Variants in PTK2 observed in about 807,000 individuals in gnomAD.
PTK2 encodes protein tyrosine kinase 2.
In PTK2, 45 loss-of-function variants were observed where a neutral mutation model predicts 150.1. That is an observed-to-expected ratio of 0.30 (90% CI 0.24 to 0.38). The LOEUF is 0.38. PTK2 is among the 10% of genes least tolerant of loss of function. The probability of loss-of-function intolerance (pLI) is 1.00; values close to 1 mark genes in which losing one functional copy is unlikely to be tolerated. For missense variants in PTK2, 919 were observed against 1,307.3 expected (o/e 0.70, Z 4.58); for synonymous variants, 432 against 449.2 (o/e 0.96, Z 0.48).
intron 4 of PTK2, among the ~76,000 whole-genome samples, chr8:140,867,426 A>G (rs2100139982): frequency 6.6e-6 from 1 of 152,226 alleles, no homozygotes; most frequent in Admixed American, 6.5e-5. Flanking sequence ...CAGCAAGAAC[A>G]TGCATGAATA....
intron 1 of PTK2, among the ~76,000 whole-genome samples, chr8:140,971,346 T>C (rs1290743306): frequency 6.6e-6 from 1 of 152,230 alleles, no homozygotes; most frequent in Non-Finnish European, 1.5e-5. Flanking sequence ...ACCAGTAGCA[T>C]CCACAGTGAA....
At chr8:140,691,566 G>A (rs768950397) in intron 26 of PTK2, among the ~76,000 whole-genome samples, 1 of 152,166 alleles carries the variant, frequency 6.6e-6, no homozygotes, top group African/African-American at 2.4e-5. Flanking sequence ...TGAAGACAGA[G>A]GCTATGAAGC....
intron 2 of PTK2, among the ~76,000 whole-genome samples, chr8:140,913,081 C>T (rs2100163863): frequency 1.3e-5 from 2 of 152,178 alleles, no homozygotes; most frequent in Non-Finnish European, 2.9e-5. Flanking sequence ...TTTCTCAACA[C>T]TATAATAGAG....
At chr8:140,677,795 C>A (rs13262271) in intron 27 of PTK2, among the ~76,000 whole-genome samples, 2 of 152,030 alleles carry the variant, frequency 1.3e-5, no homozygotes, top group Non-Finnish European at 2.9e-5. Context: ...CTTTCTACTT[C>A]ATATATCACT....
At chr8:140,776,024 G>T (rs1434512200) in intron 14 of PTK2, among the ~76,000 whole-genome samples, 1 of 152,106 alleles carries the variant, frequency 6.6e-6, no homozygotes, top group African/African-American at 2.4e-5. Context: ...TATTCTCATT[G>T]AGAGAGTCTT....
intron 2 of PTK2, among the ~76,000 whole-genome samples, chr8:140,915,033 CAAAAAAAAA>C (rs10661609): frequency 7.5e-5 from 4 of 53,088 alleles, no homozygotes; most frequent in African/African-American, 2.3e-4. Context: ...AACTCCAACT[CAAAAAAAAA>C]AAAAAAAAAA....
At chr8:140,739,313 A>C (rs1352710291) in intron 20 of PTK2, among the ~76,000 whole-genome samples, 1 of 152,162 alleles carries the variant, frequency 6.6e-6, no homozygotes, top group Non-Finnish European at 1.5e-5. Context: ...AGATAAATAA[A>C]ATACCAATGT....
At chr8:140,765,372 G>GT (rs1395523090) in intron 14 of PTK2, 1 of 152,152 alleles carries the variant, frequency 6.6e-6, no homozygotes, top group African/African-American at 2.4e-5. Flanking sequence ...ATGGTTTACA[G>GT]TCACTGGGAT....
chr8:140,945,184 C>A (rs150073065), intron 1 of PTK2, among the ~76,000 whole-genome samples: 10 of 152,188 alleles, frequency 6.6e-5, no homozygotes, highest in African/African-American at 2.2e-4. Flanking sequence ...GTAACCAATG[C>A]GTAAAGATTT....
chr8:140,812,069 T>C (rs1255180051), intron 10 of PTK2, among the ~76,000 whole-genome samples: 2 of 152,070 alleles, frequency 1.3e-5, no homozygotes, highest in Admixed American at 1.3e-4. Flanking sequence ...CAGAGTAAGA[T>C]ACTACACGAG....
intron 4 of PTK2, among the ~76,000 whole-genome samples, chr8:140,867,397 T>C (rs953710685): frequency 2.0e-5 from 3 of 152,152 alleles, no homozygotes; most frequent in African/African-American, 7.2e-5. Flanking sequence ...TATTTAGAGG[T>C]AGGCATGGGA....
rs1319870144 is a variant in PTK2 at position 140,694,214 on chromosome 8, G to C, written c.2499+6677C>G. On this transcript the variant is annotated intron_variant, in intron 26 of 31. Transcript: ENST00000522684. ...TGCCACTACGCCCAGCTAATTTTTT[G>C]TATTTTTTAGTAGAGACGGGGTTTC... is the stretch of plus-strand genomic sequence containing the variant. Among the ~76,000 whole-genome samples the C allele has an allele frequency of 2.0e-5, 3 of 151,762 alleles. No individual in the cohort carries two copies. In the East Asian group the frequency reaches 5.8e-4, roughly 29 times the overall value.
chr8:140,713,372 T>C (rs896368835), intron 23 of PTK2, among the ~76,000 whole-genome samples: 3 of 152,198 alleles, frequency 2.0e-5, no homozygotes. Context: ...GTGATTCTTG[T>C]GCCTCAGCCT....
At chr8:140,915,464 C>T (rs1331615136) in intron 2 of PTK2, among the ~76,000 whole-genome samples, 1 of 152,016 alleles carries the variant, frequency 6.6e-6, no homozygotes, top group Non-Finnish European at 1.5e-5. Flanking sequence ...TTTAGGGTTC[C>T]CATATAATTT....
At chr8:140,852,041 ATT>A (rs975193303) in intron 5 of PTK2, among the ~76,000 whole-genome samples, 1 of 152,038 alleles carries the variant, frequency 6.6e-6, no homozygotes, top group Non-Finnish European at 1.5e-5. Flanking sequence ...TATTTCTTGG[ATT>A]TTTTTCATGA....
rs546877965 is a variant in PTK2 at position 140,848,762 on chromosome 8, G to GC, written c.451-2085dup. On this transcript the variant is annotated intron_variant, in intron 5 of 31. Coordinates refer to ENST00000522684, the Ensembl canonical transcript of PTK2. ...TATTATCGAGCACAAAAATAAAGGC[G>GC]CAAGAATTAAACCAAGATAGGTATT... 3.4e-3 allele frequency among the ~76,000 whole-genome samples: 517 copies of GC among 152,178 alleles called. 5 individuals carry two copies. Among genetic ancestry groups the GC allele is most frequent in the African/African-American group, 0.012 (497 of 41,518 alleles).
At chr8:140,681,802 G>A (rs902435215) in intron 27 of PTK2, among the ~76,000 whole-genome samples, 2 of 152,162 alleles carry the variant, frequency 1.3e-5, no homozygotes, top group Non-Finnish European at 2.9e-5. Context: ...GTCCTAAAAC[G>A]TTAGGAAGGA....
intron 5 of PTK2, among the ~76,000 whole-genome samples, chr8:140,859,849 G>A (rs2100135016): frequency 6.6e-6 from 1 of 150,884 alleles, no homozygotes; most frequent in South Asian, 2.1e-4. Context: ...CAAGTTGGGT[G>A]CTGCCTGTGC....
At chr8:140,811,032 G>C (rs1035520137) in intron 10 of PTK2, among the ~76,000 whole-genome samples, 2 of 152,216 alleles carry the variant, frequency 1.3e-5, no homozygotes, top group African/African-American at 4.8e-5. Context: ...GTACCCACTA[G>C]CAACCTGCCG....
Sources: allele counts gnomAD v4.1 joint callset (sites outside exome capture counted in the v4.1 genomes callset), GRCh38; gene constraint gnomAD v4.1.1; transcripts MANE v1.5; gene names NCBI Gene and HGNC (gene_info 2026-07-23, HGNC 2026-07-21).